The following B4GALT6 variants were observed in gnomAD, a reference collection of about 807,000 sequenced individuals.
B4GALT6 encodes beta-1,4-galactosyltransferase 6, also known as UDP-Gal:beta-GlcNAc beta-1,4-galactosyltransferase 6.
Under a neutral mutation model 46.3 loss-of-function variants are expected in B4GALT6, and 14 were observed. The observed-to-expected ratio is 0.30, with a 90% CI of 0.20 to 0.47. The LOEUF is 0.47. Ranked by LOEUF, B4GALT6 falls within the 20% of genes least tolerant of loss-of-function variation. The probability of loss-of-function intolerance (pLI) is 0.99; values close to 1 mark genes in which losing one functional copy is unlikely to be tolerated. For synonymous variants in B4GALT6, 168 were observed against 162.0 expected (o/e 1.04, Z -0.28); for missense variants, 386 against 480.1 (o/e 0.80, Z 1.83).
chr18:31,647,128 CAAAT>C (rs1361361611), intron 3 of B4GALT6, among the ~76,000 whole-genome samples: 2 of 152,162 alleles, frequency 1.3e-5, no homozygotes, highest in Non-Finnish European at 2.9e-5. Flanking sequence ...AAAATTTACA[CAAAT>C]AAATCTGATA....
chr18:31,685,637 A>G (rs1331905695), upstream of B4GALT6: 3 of 152,176 alleles, frequency 2.0e-5, no homozygotes, highest in African/African-American at 7.3e-5. Flanking sequence ...CCGCCCGGGG[A>G]CCCCGCGGTG....
intron 3 of B4GALT6, among the ~76,000 whole-genome samples, chr18:31,650,988 A>G (rs546805592): frequency 2.0e-5 from 3 of 152,116 alleles, no homozygotes; most frequent in Admixed American, 6.5e-5. Context: ...GGATGGTCTC[A>G]ATCTCCTGAG....
At chr18:31,712,728 C>T in the B4GALT6 span, among the ~76,000 whole-genome samples, 1 of 152,162 alleles carries the variant, frequency 6.6e-6, no homozygotes, top group Non-Finnish European at 1.5e-5. Context: ...ATCCACTGCC[C>T]TATTTTTCAG....
the B4GALT6 span, among the ~76,000 whole-genome samples, chr18:31,710,612 C>T: frequency 6.6e-6 from 1 of 152,048 alleles, no homozygotes; most frequent in African/African-American, 2.4e-5. Context: ...GGCACTCCCT[C>T]GTAGCCACCA....
the B4GALT6 span, among the ~76,000 whole-genome samples, chr18:31,722,608 CATCAGCAGGCTCA>C: frequency 0.018 from 2,791 of 152,272 alleles, 18 homozygotes; most frequent in Non-Finnish European, 0.029. Context: ...GTGACTCCCT[CATCAGCAGGCTCA>C]GCTTAGCCTA....
the B4GALT6 span, chr18:31,724,331 A>G: frequency 1.5e-6 from 1 of 667,820 alleles, no homozygotes; most frequent in Non-Finnish European, 2.1e-6. Flanking sequence ...CTACTAGTCC[A>G]GGCGGCTTAG....
chr18:31,635,154 C>T (rs764830880), intron 5 of B4GALT6, among the ~76,000 whole-genome samples: 1 of 152,002 alleles, frequency 6.6e-6, no homozygotes, highest in Non-Finnish European at 1.5e-5. Flanking sequence ...TCACTTGAAC[C>T]CAGGAGGCAG....
At chr18:31,638,310 G>C (rs558643330) in intron 5 of B4GALT6, among the ~76,000 whole-genome samples, 2 of 152,078 alleles carry the variant, frequency 1.3e-5, no homozygotes, top group Admixed American at 1.3e-4. Context: ...GGTGGATCAC[G>C]AGATCAGGAG....
chr18:31,695,013 T>C, the B4GALT6 span, among the ~76,000 whole-genome samples: 1 of 152,230 alleles, frequency 6.6e-6, no homozygotes, highest in Non-Finnish European at 1.5e-5. Context: ...TAAAATATTC[T>C]AGGAGACTTC....
chr18:31,705,115 G>A, the B4GALT6 span, among the ~76,000 whole-genome samples: 1 of 152,174 alleles, frequency 6.6e-6, no homozygotes, highest in Admixed American at 6.5e-5. Flanking sequence ...ACATAGACTA[G>A]AGATGACCTA....
At chr18:31,719,065 C>T in the B4GALT6 span, 1 of 152,246 alleles carries the variant, frequency 6.6e-6, no homozygotes, top group Non-Finnish European at 1.5e-5. Context: ...TAGAGGAGGA[C>T]CGGTCTTTGG....
the B4GALT6 span, among the ~76,000 whole-genome samples, chr18:31,705,450 G>A: frequency 7.9e-5 from 12 of 152,296 alleles, no homozygotes; most frequent in South Asian, 2.1e-3. Flanking sequence ...GTGCAATGGT[G>A]TAATCTCGGC....
the B4GALT6 span, among the ~76,000 whole-genome samples, chr18:31,707,175 T>C: frequency 2.6e-5 from 4 of 152,142 alleles, no homozygotes; most frequent in African/African-American, 4.8e-5. Context: ...CTCAAAATTA[T>C]TAACCATGCC....
intron 3 of B4GALT6, among the ~76,000 whole-genome samples, chr18:31,653,443 T>G: frequency 7.1e-6 from 1 of 141,466 alleles, no homozygotes; most frequent in South Asian, 2.5e-4. Context: ...TTCTTTTTTT[T>G]TTTTTTTTTT....
chr18:31,645,606 C>T (rs1251322087), intron 3 of B4GALT6, 127 bp from the exon 4 acceptor site: 10 of 858,470 alleles, frequency 1.2e-5, no homozygotes, highest in East Asian at 2.8e-5. Flanking sequence ...CTCCTGTTAC[C>T]ACCACAAAAT....
At chr18:31,665,596 G>C (rs899095653) in intron 2 of B4GALT6, among the ~76,000 whole-genome samples, 8 of 152,076 alleles carry the variant, frequency 5.3e-5, no homozygotes, top group Non-Finnish European at 5.9e-5. Context: ...AAAAAAATTA[G>C]CCGGGCGTGG....
At chr18:31,713,774 C>T in the B4GALT6 span, among the ~76,000 whole-genome samples, 2 of 151,992 alleles carry the variant, frequency 1.3e-5, no homozygotes, top group African/African-American at 4.8e-5. Context: ...CTGTGGCAGC[C>T]AGGCAGGTAA....
At chr18:31,652,835 G>A (rs904429044) in intron 3 of B4GALT6, among the ~76,000 whole-genome samples, 8 of 151,926 alleles carry the variant, frequency 5.3e-5, no homozygotes, top group South Asian at 2.1e-4. Flanking sequence ...GTTGCCCGTC[G>A]GCTTCCTGCA....
In B4GALT6 at chr18:31,645,412, A is replaced by G. The variant is rs756035811; in HGVS notation, c.414T>C (p.Asp138=). ...AATGACCCCCTGGCTCAATATCTAA[A>G]TCCTTGGAGAAGAGTTGATGAATTT... ...FDEIHQLFSK[D]LDIEPGGHWR... is the part of the protein sequence containing the mutation. The change falls in exon 4 of 9, where the codon GAT becomes GAC. Residue 138 remains aspartate, a synonymous_variant. Coordinates refer to ENST00000306851, the MANE Select transcript of B4GALT6 (RefSeq NM_004775.5). The G allele has an allele frequency of 6.2e-7, 1 of 1,613,812 alleles. No homozygotes were observed. Among genetic ancestry groups the G allele is most frequent in the Admixed American group, 1.7e-5 (1 of 59,968 alleles).
Sources: allele counts gnomAD v4.1 joint callset (sites outside exome capture counted in the v4.1 genomes callset), GRCh38; gene constraint gnomAD v4.1.1; transcripts MANE v1.5; gene names NCBI Gene and HGNC (gene_info 2026-07-23, HGNC 2026-07-21).